Variants in SEMA4F observed in about 807,000 individuals in gnomAD.
SEMA4F encodes the protein semaphorin-4F.
Under a neutral mutation model 78.4 loss-of-function variants are expected in SEMA4F, and 51 were observed. That is an observed-to-expected ratio of 0.65 (90% CI 0.52 to 0.82). The LOEUF (loss-of-function observed/expected upper bound fraction) is 0.82, where lower values mean the gene tolerates loss of function less well. Ranked by LOEUF, SEMA4F falls within the 40% of genes least tolerant of loss-of-function variation. The pLI is 0.00. For missense variants in SEMA4F, 938 were observed against 1,014.4 expected, an observed-to-expected ratio of 0.92 and a Z score of 1.02; for synonymous variants, 418 against 408.7, an observed-to-expected ratio of 1.02 and a Z score of -0.27.
chr2:74,680,843 A>C lies in SEMA4F; in HGVS notation c.*634A>C, dbSNP rs1255597792. 1 of 152,170 alleles carries C rather than the reference A, an allele frequency of 6.6e-6. No individual in the cohort carries two copies. The highest frequency in any genetic ancestry group is 1.5e-5 in the Non-Finnish European group (1 of 68,072). 9.4% of individuals were successfully genotyped at this position (152,170 alleles called of 1,614,324 possible). ...GAGGGATGGGGAGGGAGACAATTGG[A>C]ATGGGGGCGTTGCCTGCAGAACTTT... On this transcript the variant is annotated 3_prime_UTR_variant, in exon 14 of 14. Coordinates refer to ENST00000357877, the MANE Select transcript of SEMA4F (RefSeq NM_004263.5).
chr2:74,673,804 C>G lies in SEMA4F; in HGVS notation c.798C>G (p.Val266=). The change falls in exon 7 of 14, where the codon GTC becomes GTG. Residue 266 remains valine, a synonymous_variant. Coordinates refer to ENST00000357877, the MANE Select transcript of SEMA4F (RefSeq NM_004263.5). ...RAFDSYERIK[V]PRVARVCAGD... is the part of the protein sequence containing the mutation. ...TTGACTCATACGAGCGCATTAAAGT[C>G]CCACGGGTGGCCCGTGTGTGTGCGG... 1 of 1,614,060 alleles carries G rather than the reference C, an allele frequency of 6.2e-7. No individual in the cohort carries two copies. Among genetic ancestry groups the G allele is most frequent in the East Asian group, 2.2e-5 (1 of 44,884 alleles).
At chr2:74,709,151 A>T in the SEMA4F span, among the ~76,000 whole-genome samples, 1 of 152,238 alleles carries the variant, frequency 6.6e-6, no homozygotes, top group East Asian at 1.9e-4. Flanking sequence ...AACCTCAAAC[A>T]GAATAAACTG....
intron 3 of SEMA4F, 44 bp from the exon 4 acceptor site, chr2:74,657,809 G>T: frequency 6.4e-7 from 1 of 1,572,432 alleles, no homozygotes; most frequent in Non-Finnish European, 8.8e-7. Flanking sequence ...ACCCTTCCTC[G>T]TACCTGCTGC....
chr2:74,706,297 G>A, the SEMA4F span, among the ~76,000 whole-genome samples: 5 of 152,236 alleles, frequency 3.3e-5, no homozygotes, highest in East Asian at 9.6e-4. Context: ...CAGATCTGAC[G>A]CCAAAGAACT....
chr2:74,662,663 C>T, intron 4 of SEMA4F, 69 bp from the exon 5 acceptor site: 1 of 1,267,074 alleles, frequency 7.9e-7, no homozygotes, highest in Non-Finnish European at 1.2e-6. Flanking sequence ...TTCATCTGAC[C>T]ATCTTTGTAA....
chr2:74,699,135 C>G, the SEMA4F span, among the ~76,000 whole-genome samples: 1 of 152,148 alleles, frequency 6.6e-6, no homozygotes, highest in Non-Finnish European at 1.5e-5. Context: ...AGTTTAAAGC[C>G]TGGTGCTTGA....
downstream of SEMA4F, among the ~76,000 whole-genome samples, chr2:74,687,127 T>A (rs78126810): frequency 2.2e-3 from 339 of 152,318 alleles, 2 homozygotes; most frequent in Middle Eastern, 6.8e-3. Flanking sequence ...AGGACCTCTG[T>A]CCATCTATCT....
chr2:74,675,635 G>A lies in SEMA4F; in HGVS notation c.1482+1G>A, dbSNP rs566725824. ...AGTTGAGAACATGAAATTGTACCAC[G>A]TGAGTTGTAGATTTTGGAGAGTCTA... is the stretch of plus-strand genomic sequence containing the variant. On this transcript the variant is annotated splice_donor_variant, in intron 11 of 13. Coordinates refer to ENST00000357877, the MANE Select transcript of SEMA4F (RefSeq NM_004263.5). LOFTEE classifies it high-confidence loss of function. 22 of 1,613,662 alleles carry A rather than the reference G, an allele frequency of 1.4e-5. No homozygotes were observed. The East Asian group carries it at 1.8e-4, about 13-fold the overall frequency.
chr2:74,691,297 C>T, the SEMA4F span, among the ~76,000 whole-genome samples: 1 of 152,186 alleles, frequency 6.6e-6, no homozygotes, highest in Non-Finnish European at 1.5e-5. Flanking sequence ...ATGCTGCTCA[C>T]GTACTGTGAT....
chr2:74,663,377 T>A (rs1463186362), intron 5 of SEMA4F, among the ~76,000 whole-genome samples: 1 of 152,252 alleles, frequency 6.6e-6, no homozygotes, highest in Non-Finnish European at 1.5e-5. Context: ...ACCGTATTAG[T>A]GTAATTCTAA....
the SEMA4F span, among the ~76,000 whole-genome samples, chr2:74,700,184 G>C: frequency 5.9e-5 from 9 of 152,216 alleles, no homozygotes; most frequent in East Asian, 1.9e-4. Flanking sequence ...ATTCACAGAG[G>C]GGGAGGAAAG....
rs772966672 is a variant in SEMA4F, at chr2:74,680,204, A to G, written c.2308A>G (p.Ile770Val). ...APLATCDETS[I>V] is the part of the protein sequence containing the mutation. ...TCTAGCCACATGTGATGAAACATCC[A>G]TCTAGAGCTGGGCAAATGACCACTA... Residue 770 changes from isoleucine (I) to valine (V), a missense_variant, in exon 14 of 14, where the codon ATC becomes GTC. Physicochemically the swap from Ile to Val is conservative, Grantham distance 29. Coordinates refer to ENST00000357877, the MANE Select transcript of SEMA4F (RefSeq NM_004263.5). 6.4e-6 allele frequency: 10 copies of G among 1,564,198 alleles called. No individual in the cohort carries two copies. Among genetic ancestry groups the G allele is most frequent in the Admixed American group, 5.4e-5 (3 of 55,644 alleles).
chr2:74,685,339 G>A (rs985397496), downstream of SEMA4F, among the ~76,000 whole-genome samples: 2 of 152,092 alleles, frequency 1.3e-5, no homozygotes, highest in African/African-American at 2.4e-5. Flanking sequence ...CTCAGGAACT[G>A]AGGCCTTAGT....
chr2:74,680,099 A>G lies in SEMA4F; in HGVS notation c.2203A>G (p.Ser735Gly), dbSNP rs41285995. Reference protein sequence around the residue: ...RLPLALAKRGSGFGGFSPPFL... With the variant: ...RLPLALAKRGGGFGGFSPPFL... ...GCCGCTGGCCCTGGCCAAGAGGGGC[A>G]GTGGCTTTGGTGGATTCTCACCACC... Residue 735 changes from serine (S) to glycine (G), a missense_variant, in exon 14 of 14, where the codon AGT becomes GGT. Transcript: ENST00000357877. The G allele has an allele frequency of 6.8e-6, 11 of 1,613,766 alleles. No homozygotes were observed. Among genetic ancestry groups the G allele is most frequent in the Non-Finnish European group, 8.5e-6 (10 of 1,179,778 alleles).
At chr2:74,662,605 T>C (rs1053722486) in intron 4 of SEMA4F, 127 bp from the exon 5 acceptor site, 2 of 762,852 alleles carry the variant, frequency 2.6e-6, no homozygotes, top group Admixed American at 1.8e-5. Context: ...GGGATGATAG[T>C]TGGGGGTAGG....
At chr2:74,659,311 A>G (rs944658756) in intron 4 of SEMA4F, among the ~76,000 whole-genome samples, 7 of 152,156 alleles carry the variant, frequency 4.6e-5, no homozygotes, top group Non-Finnish European at 7.4e-5. Flanking sequence ...TGGCTTATAG[A>G]CAGTGTGATT....
chr2:74,663,784 C>T (rs1010577672), intron 5 of SEMA4F, among the ~76,000 whole-genome samples: 1 of 152,326 alleles, frequency 6.6e-6, no homozygotes, highest in East Asian at 1.9e-4. Flanking sequence ...ACTAGGTCCA[C>T]CTCCAACATT....
intron 5 of SEMA4F, among the ~76,000 whole-genome samples, chr2:74,667,649 C>A (rs1684764110): frequency 6.6e-6 from 1 of 152,292 alleles, no homozygotes; most frequent in South Asian, 2.1e-4. Flanking sequence ...AGTAAATGAT[C>A]TCATTGTCTT....
chr2:74,663,597 G>A (rs1328373852), intron 5 of SEMA4F, among the ~76,000 whole-genome samples: 1 of 152,202 alleles, frequency 6.6e-6, no homozygotes, highest in Non-Finnish European at 1.5e-5. Context: ...TACAGTCATG[G>A]CAGAGGGTGA....
Sources: gnomAD v4.1 joint callset for allele counts (sites outside exome capture counted in the v4.1 genomes callset) on GRCh38, gnomAD v4.1.1 for gene constraint, MANE v1.5 for transcripts, NCBI Gene and HGNC (gene_info 2026-07-23, HGNC 2026-07-21) for gene names.